The following RIIAD1 variants were observed in gnomAD, a reference collection of about 807,000 sequenced individuals.
The protein encoded by RIIAD1 is RIIa domain-containing protein 1.
RIIAD1 carries 15 observed loss-of-function variants against 13.3 expected under a neutral mutation model. The ratio of observed to expected loss-of-function variants is 1.13; its 90% CI spans 0.76 to 1.74. The LOEUF (loss-of-function observed/expected upper bound fraction) is 1.74, where lower values mean the gene tolerates loss of function less well. Ranked by LOEUF, RIIAD1 falls within the 40% of genes most tolerant of loss-of-function variation. The pLI, the probability that RIIAD1 is intolerant of heterozygous loss-of-function variation, is 0.00. For missense variants in RIIAD1, 121 were observed against 112.2 expected, an observed-to-expected ratio of 1.08 and a Z score of -0.35; for synonymous variants, 50 against 43.3, an observed-to-expected ratio of 1.16 and a Z score of -0.61.
chr1:151,721,596 G>C lies in RIIAD1; in HGVS notation c.60G>C (p.Gln20His), dbSNP rs1296372805. ...ACCCCGGGGCGCTTAGCGCAGCGCA[G>C]CTGGAGCAGCTGCGAAAATTCAAGG... ...RPDPGALSAAQLEQLRKFKIQ... is the reference protein window; with the variant it reads ...RPDPGALSAAHLEQLRKFKIQ... Residue 20 changes from glutamine (Q) to histidine (H), a missense_variant, in exon 1 of 5, where the codon CAG becomes CAC. By Grantham distance (24) the Gln-to-His change is conservative (BLOSUM62 0). Transcript: ENST00000479191. 2.3e-6 allele frequency: 3 copies of C among 1,302,812 alleles called. No homozygotes were observed. Among genetic ancestry groups the C allele is most frequent in the African/African-American group, 1.5e-5 (1 of 64,806 alleles). 80.7% of individuals were successfully genotyped at this position (1,302,812 alleles called of 1,614,324 possible).
chr1:151,723,246 T>C (rs934841106), intron 2 of RIIAD1, among the ~76,000 whole-genome samples: 2 of 151,792 alleles, frequency 1.3e-5, no homozygotes, highest in African/African-American at 4.8e-5. Context: ...AATACAAAAT[T>C]AGCCAGGCGT....
At position 151,721,571 on chromosome 1, in the gene RIIAD1, AC is replaced by A; in HGVS notation, c.39del (p.Ala15ArgfsTer25). The A allele has an allele frequency of 1.5e-6, 2 of 1,323,426 alleles. No individual in the cohort carries two copies. Among genetic ancestry groups the A allele is most frequent in the Non-Finnish European group, 1.9e-6 (2 of 1,034,176 alleles). 82.0% of individuals were successfully genotyped at this position (1,323,426 alleles called of 1,614,324 possible). On this transcript the variant is annotated frameshift_variant, in exon 1 of 5. Coordinates refer to ENST00000479191, the MANE Select transcript of RIIAD1 (RefSeq NM_001144956.3). LOFTEE classifies it high-confidence loss of function. ...ETLPGLLQRP[D>X]PGALSAAQLE... ...CTGCCAGGCTTGCTGCAGCGGCCCG[AC>A]CCCGGGGCGCTTAGCGCAGCGCAGC...
At chr1:151,715,877 C>A in intron 4 of RIIAD1, 1 of 1,612,972 alleles carries the variant, frequency 6.2e-7, no homozygotes, top group Non-Finnish European at 8.5e-7. Context: ...ACCCCTCACC[C>A]TTGTGCAGCC....
chr1:151,728,492 GGGTGGGGGGTGGGGC>G, intron 3 of RIIAD1: 1 of 134,046 alleles, frequency 7.5e-6, no homozygotes, highest in Non-Finnish European at 1.4e-5. Context: ...GGGGGGTGGG[GGGTGGGGGGTGGGGC>G]CAGGCACAGC....
chr1:151,721,985 G>C (rs558596067), intron 1 of RIIAD1, 101 bp from the exon 2 acceptor site: 1 of 785,628 alleles, frequency 1.3e-6, no homozygotes, highest in African/African-American at 1.7e-5. Flanking sequence ...GGAAAGACTT[G>C]GGTTAAATGC....
At chr1:151,720,312 A>T (rs983451004), upstream of RIIAD1, among the ~76,000 whole-genome samples, 1 of 149,462 alleles carries the variant, frequency 6.7e-6, no homozygotes, top group African/African-American at 2.5e-5. Context: ...CTTGGCCAAG[A>T]GGAACCATTA....
At chr1:151,725,242 C>T (rs2101512322) in intron 2 of RIIAD1, among the ~76,000 whole-genome samples, 1 of 151,206 alleles carries the variant, frequency 6.6e-6, no homozygotes, top group South Asian at 2.1e-4. Flanking sequence ...TCCCAAGTAG[C>T]TGGGATTACA....
At chr1:151,728,080 C>G (rs1036329817) in intron 3 of RIIAD1, among the ~76,000 whole-genome samples, 1 of 152,176 alleles carries the variant, frequency 6.6e-6, no homozygotes, top group Non-Finnish European at 1.5e-5. Flanking sequence ...TTAAGGTCAA[C>G]GGTATTTAGA....
rs41263712 is a variant in RIIAD1 at position 151,729,587 on chromosome 1, A to G, written c.*157A>G. ...GCAAAAGCTTTTAAAGATATTCATT[A>G]AACACGGACCTTCCTGCTCTCTCTG... On this transcript the variant is annotated 3_prime_UTR_variant, in exon 5 of 5. Transcript: ENST00000479191. 6,919 of 152,316 alleles carry G rather than the reference A, an allele frequency of 0.045. 223 individuals carry two copies. Among genetic ancestry groups the G allele is most frequent in the Non-Finnish European group, 0.072 (4,910 of 68,016 alleles). The allele number at this position is 152,316 out of a possible 1,614,324, so 9.4% of individuals were successfully genotyped here. A position where few individuals can be genotyped will look rare whatever the true frequency, so the allele number is the denominator to read the frequency against.
intron 2 of RIIAD1, among the ~76,000 whole-genome samples, chr1:151,726,786 C>T (rs2101514799): frequency 6.6e-6 from 1 of 152,334 alleles, no homozygotes; most frequent in Admixed American, 6.5e-5. Context: ...GCAGGTGTTA[C>T]CACAGTGTCT....
At position 151,714,682 on chromosome 1, in the gene RIIAD1, G is replaced by C. The variant is rs748327058; in HGVS notation, c.21+153G>C. On this transcript the variant is annotated intron_variant, in intron 4 of 8. Coordinates refer to the RIIAD1 transcript ENST00000326413. ...GTATGTCAGGAAGGCACATCCTGAGGAGGGGCAGGGGCAGAGAAACACGGC... is the reference window on the plus strand; with the variant it reads ...GTATGTCAGGAAGGCACATCCTGAGCAGGGGCAGGGGCAGAGAAACACGGC... 84 of 1,554,016 alleles carry C rather than the reference G, an allele frequency of 5.4e-5. No individual in the cohort carries two copies. The East Asian group carries it at 2.0e-3, about 36-fold the overall frequency.
intron 4 of RIIAD1, chr1:151,715,835 C>A (rs368608629): frequency 7.5e-6 from 12 of 1,599,098 alleles, no homozygotes; most frequent in Non-Finnish European, 1.0e-5. Flanking sequence ...CCCAGCCTCC[C>A]AGCCCACCCC....
chr1:151,716,714 C>T (rs1443436327), upstream of RIIAD1: 3 of 451,912 alleles, frequency 6.6e-6, no homozygotes, highest in East Asian at 1.5e-4. Flanking sequence ...GGGCTGCTGC[C>T]GGCTGCTCCC....
upstream of RIIAD1, among the ~76,000 whole-genome samples, chr1:151,721,024 A>G (rs1673724637): frequency 6.6e-6 from 1 of 152,206 alleles, no homozygotes; most frequent in African/African-American, 2.4e-5. Flanking sequence ...CAGCATCTTT[A>G]GTCGGACAGA....
chr1:151,715,571 T>C, intron 4 of RIIAD1: 1 of 1,363,142 alleles, frequency 7.3e-7, no homozygotes, highest in Non-Finnish European at 9.7e-7. Context: ...AAACCAGCTC[T>C]CTTGTCCCTC....
intron 2 of RIIAD1, among the ~76,000 whole-genome samples, chr1:151,722,635 G>A (rs1673758985): frequency 6.6e-6 from 1 of 152,132 alleles, no homozygotes; most frequent in African/African-American, 2.4e-5. Flanking sequence ...AATAAATCAC[G>A]GAGCATCAGT....
At chr1:151,716,117 C>T (rs910121103) in intron 4 of RIIAD1, 3 of 1,331,902 alleles carry the variant, frequency 2.3e-6, no homozygotes, top group African/African-American at 1.5e-5. Flanking sequence ...GGCCCGGGGG[C>T]CCAGCTGGGG....
At position 151,728,467 on chromosome 1, in the gene RIIAD1, C is replaced by A; in HGVS notation, c.209-299C>A. ...TCAGCAGGCGGAGGAGCAAACGGTG[C>A]GACTCGGGGTAGGTGGGGGGTGGGG... On this transcript the variant is annotated intron_variant, in intron 3 of 4. Transcript: ENST00000479191. The A allele has an allele frequency of 7.8e-6, 3 of 382,674 alleles. No homozygotes were observed. The South Asian group carries it at 1.1e-4, about 14-fold the overall frequency. The allele number at this position is 382,674 out of a possible 1,614,324, so 23.7% of individuals were successfully genotyped here.
In RIIAD1 at chr1:151,715,527, C is replaced by A. The variant is rs560599247; in HGVS notation, c.21+998C>A. 5 of 979,872 alleles carry A rather than the reference C, an allele frequency of 5.1e-6. No homozygotes were observed. In the East Asian group the frequency reaches 1.6e-4, roughly 31 times the overall value. The allele number at this position is 979,872 out of a possible 1,614,324, so 60.7% of individuals were successfully genotyped here. A position where few individuals can be genotyped will look rare whatever the true frequency, so the allele number is the denominator to read the frequency against. On this transcript the variant is annotated intron_variant, in intron 4 of 8. Coordinates refer to the RIIAD1 transcript ENST00000326413. Reference sequence around the variant, plus strand: ...TTCTCAGTCTTGCTGCACACGCACACACACACACACCCCTACCCAGCTGCT... The same window carrying A: ...TTCTCAGTCTTGCTGCACACGCACAAACACACACACCCCTACCCAGCTGCT...
Sources: gnomAD v4.1 joint callset for allele counts (sites outside exome capture counted in the v4.1 genomes callset) on GRCh38, gnomAD v4.1.1 for gene constraint, MANE v1.5 for transcripts, NCBI Gene and HGNC (gene_info 2026-07-23, HGNC 2026-07-21) for gene names.